Variants in SPAG9 observed in about 807,000 individuals in gnomAD.
SPAG9 encodes C-Jun-amino-terminal kinase-interacting protein 4.
A neutral mutation model predicts 166.5 loss-of-function variants in SPAG9; 35 were observed. The ratio of observed to expected loss-of-function variants is 0.21; its 90% CI spans 0.16 to 0.28. The LOEUF is 0.28. Ranked by LOEUF, SPAG9 falls within the 10% of genes least tolerant of loss-of-function variation. SPAG9 has a pLI of 1.00. For synonymous variants in SPAG9, 534 were observed against 565.5 expected (o/e 0.94, Z 0.79); for missense variants, 1,235 against 1,603.3 (o/e 0.77, Z 3.92).
At position 50,982,643 on chromosome 17, in the gene SPAG9, G is replaced by A. The variant is rs1460685531; in HGVS notation, c.3118C>T (p.Leu1040Phe). ...TGATGAGGCCGTCCAAGGTCTAAGA[G>A]GTGATAGTTTGACAAATCCCACTGC... is the stretch of plus-strand genomic sequence containing the variant. ...DGQWDLSNYH[L>F]LDLGRPHHSI... Residue 1040 changes from leucine (L) to phenylalanine (F), a missense_variant, in exon 25 of 30, where the codon CTC becomes TTC. Transcript: ENST00000262013. The A allele has an allele frequency of 6.2e-7, 1 of 1,611,618 alleles. No individual in the cohort carries two copies. Among genetic ancestry groups the A allele is most frequent in the Non-Finnish European group, 8.5e-7 (1 of 1,179,460 alleles).
intron 14 of SPAG9, 82 bp downstream of exon 14, chr17:50,999,568 GAAAATGGACAT>G (rs2044837734): frequency 7.3e-7 from 1 of 1,374,658 alleles, no homozygotes; most frequent in Non-Finnish European, 9.8e-7. Context: ...ATGAAGGAAA[GAAAATGGACAT>G]AAAATCATTC....
chr17:51,113,373 A>G (rs1463148004), intron 1 of SPAG9, among the ~76,000 whole-genome samples: 1 of 146,224 alleles, frequency 6.8e-6, no homozygotes, highest in African/African-American at 2.5e-5. Flanking sequence ...AAAAAAAAAG[A>G]AAGAAAAGAA....
At chr17:50,978,718 T>G (rs767154548) in intron 26 of SPAG9, among the ~76,000 whole-genome samples, 75 of 152,078 alleles carry the variant, frequency 4.9e-4, no homozygotes, top group Non-Finnish European at 1.5e-4. Flanking sequence ...ACTTCCCAGG[T>G]AGATGATACA....
intron 8 of SPAG9, among the ~76,000 whole-genome samples, chr17:51,018,538 TTTG>T (rs2045799116): frequency 6.6e-6 from 1 of 152,188 alleles, no homozygotes; most frequent in South Asian, 2.1e-4. Context: ...TTCAAACTTT[TTTG>T]TTTTGTTTTT....
At chr17:51,083,823 A>G (rs1490474616) in intron 1 of SPAG9, among the ~76,000 whole-genome samples, 1 of 152,020 alleles carries the variant, frequency 6.6e-6, no homozygotes, top group East Asian at 1.9e-4. Context: ...TCTATGAACC[A>G]TATTTCCCCA....
At chr17:51,070,504 TA>T (rs1568059651) in intron 2 of SPAG9, among the ~76,000 whole-genome samples, 1 of 152,112 alleles carries the variant, frequency 6.6e-6, no homozygotes, top group Non-Finnish European at 1.5e-5. Flanking sequence ...CTTGTAGATG[TA>T]AAAAAATATT....
chr17:51,026,669 CTTTTCT>C (rs2046187184), intron 6 of SPAG9, among the ~76,000 whole-genome samples: 1 of 131,042 alleles, frequency 7.6e-6, no homozygotes, highest in Admixed American at 8.2e-5. Flanking sequence ...TTTTCTTTTT[CTTTTCT>C]TTTTTTTTTT....
At chr17:51,037,684 TA>T (rs763439825) in intron 5 of SPAG9, among the ~76,000 whole-genome samples, 7,686 of 82,994 alleles carry the variant, frequency 0.093, 520 homozygotes, top group Non-Finnish European at 0.14. Context: ...TATATATATA[TA>T]GTGTGTGTGT....
At chr17:50,985,573 T>TA (rs1260603250) in intron 23 of SPAG9, 125 bp downstream of exon 23, 12 of 595,850 alleles carry the variant, frequency 2.0e-5, no homozygotes, top group African/African-American at 3.7e-5. Context: ...TAAAAAGGGT[T>TA]AAAAAAACAA....
chr17:51,019,144 G>A (rs1309225621), intron 8 of SPAG9, among the ~76,000 whole-genome samples: 1 of 152,170 alleles, frequency 6.6e-6, no homozygotes, highest in Non-Finnish European at 1.5e-5. Context: ...CCCTCCAGAG[G>A]ATGCAGCAAC....
intron 14 of SPAG9, chr17:50,999,346 G>T: frequency 2.8e-6 from 2 of 702,246 alleles, no homozygotes; most frequent in South Asian, 2.4e-5. Flanking sequence ...TATTTAATGG[G>T]GATCCAGGTC....
chr17:50,989,144 C>T (rs565811588), intron 21 of SPAG9, among the ~76,000 whole-genome samples: 2 of 152,222 alleles, frequency 1.3e-5, no homozygotes, highest in South Asian at 4.1e-4. Flanking sequence ...AAATGATGGA[C>T]AGAATATATG....
intron 6 of SPAG9, among the ~76,000 whole-genome samples, chr17:51,027,657 G>T (rs1300145910): frequency 6.6e-6 from 1 of 152,066 alleles, no homozygotes; most frequent in Non-Finnish European, 1.5e-5. Flanking sequence ...ATATCCCAGT[G>T]CAATGCCCTA....
chr17:50,999,405 T>C, intron 14 of SPAG9: 1 of 1,230,204 alleles, frequency 8.1e-7, no homozygotes, highest in Non-Finnish European at 1.1e-6. Flanking sequence ...TGGCAGAGGA[T>C]TGCAACAAAT....
chr17:51,086,904 A>G (rs2048322275), intron 1 of SPAG9, among the ~76,000 whole-genome samples: 1 of 152,220 alleles, frequency 6.6e-6, no homozygotes, highest in South Asian at 2.1e-4. Context: ...CCTGGGTGAC[A>G]GAGTGAGACT....
Position 51,120,142 on chromosome 17 carries a change from T to C in SPAG9, c.303+212A>G, listed in dbSNP as rs1450586936. ...GCCCTGCCTCCTCCATCTCGCTCCC[T>C]TCCCAGGACACTCAGTAGCCGGCCT... On this transcript the variant is annotated intron_variant, in intron 1 of 29. Coordinates refer to ENST00000262013, the MANE Select transcript of SPAG9 (RefSeq NM_001130528.3). This position sits in a 1 kb window ranked among gnomAD's most constrained non-coding sequence, Gnocchi z 4.7. 6.6e-6 allele frequency among the ~76,000 whole-genome samples: 1 copy of C among 152,186 alleles called. No homozygotes were observed. The highest frequency in any genetic ancestry group is 2.4e-5 in the African/African-American group (1 of 41,456).
At chr17:51,034,480 G>A (rs1055191260) in intron 5 of SPAG9, among the ~76,000 whole-genome samples, 11 of 152,182 alleles carry the variant, frequency 7.2e-5, no homozygotes, top group African/African-American at 2.7e-4. Flanking sequence ...GATGGGGTAT[G>A]TCAAAAGAGC....
chr17:50,987,519 C>CA (rs201762375), intron 21 of SPAG9, among the ~76,000 whole-genome samples: 1,213 of 119,662 alleles, frequency 0.01, 8 homozygotes, highest in African/African-American at 0.028. Flanking sequence ...AACTTTTAGT[C>CA]AAAAAAAAAA....
chr17:51,020,398 G>C (rs1425792309), intron 7 of SPAG9, 140 bp from the exon 8 acceptor site: 3 of 604,684 alleles, frequency 5.0e-6, no homozygotes, highest in African/African-American at 3.7e-5. Context: ...AGGAAATACA[G>C]CATTATACAA....
Sources: allele counts gnomAD v4.1 joint callset (sites outside exome capture counted in the v4.1 genomes callset), GRCh38; gene constraint gnomAD v4.1.1; non-coding constraint Gnocchi (gnomAD v3.1); transcripts MANE v1.5; gene names NCBI Gene and HGNC (gene_info 2026-07-23, HGNC 2026-07-21).